The following RNLS variants were observed in gnomAD, a reference collection of about 807,000 sequenced individuals.
RNLS encodes renalase, FAD dependent amine oxidase, also known as renalase.
In RNLS, 39 loss-of-function variants were observed where a neutral mutation model predicts 39.8. The ratio of observed to expected loss-of-function variants is 0.98; its 90% CI spans 0.76 to 1.28. RNLS has a LOEUF of 1.28. Among genes scored for constraint, RNLS ranks in the 50% most tolerant of loss-of-function variants. RNLS has a pLI of 0.00. For synonymous variants in RNLS, 147 were observed against 150.7 expected (o/e 0.98, Z 0.18); for missense variants, 410 against 413.3 (o/e 0.99, Z 0.07).
At chr10:88,501,498 T>C (rs551919758) in intron 4 of RNLS, among the ~76,000 whole-genome samples, 1 of 152,290 alleles carries the variant, frequency 6.6e-6, no homozygotes, top group Non-Finnish European at 1.5e-5. Context: ...GAATTCTCAA[T>C]AGTGTGGATT....
intron 5 of RNLS, among the ~76,000 whole-genome samples, chr10:88,359,359 A>G (rs1330155931): frequency 6.6e-6 from 1 of 152,118 alleles, no homozygotes. Flanking sequence ...TTAAATATCA[A>G]TATCAATAAA....
At chr10:88,245,694 T>A in the RNLS span, among the ~76,000 whole-genome samples, 2 of 152,184 alleles carry the variant, frequency 1.3e-5, no homozygotes, top group East Asian at 1.9e-4. Flanking sequence ...TATCCTAAAA[T>A]GTCTCCTTTC....
At chr10:88,381,119 A>AT (rs1320924651) in intron 4 of RNLS, among the ~76,000 whole-genome samples, 5 of 152,184 alleles carry the variant, frequency 3.3e-5, no homozygotes, top group African/African-American at 1.2e-4. Flanking sequence ...ATCTTTGCAG[A>AT]TTTTAAGAAT....
At chr10:88,469,771 G>T (rs1843404114) in intron 4 of RNLS, among the ~76,000 whole-genome samples, 2 of 150,902 alleles carry the variant, frequency 1.3e-5, no homozygotes, top group South Asian at 4.2e-4. Flanking sequence ...AATATATGCT[G>T]CTCCAAGGAA....
chr10:88,299,097 T>C (rs949375227), intron 6 of RNLS, among the ~76,000 whole-genome samples: 1 of 152,208 alleles, frequency 6.6e-6, no homozygotes. Context: ...TTTTAGATAA[T>C]TGTGCTGTTT....
At position 88,275,912 on chromosome 10, in the gene RNLS, A is replaced by G. The variant is rs564125058; in HGVS notation, c.877-880T>C. 2.0e-5 allele frequency among the ~76,000 whole-genome samples: 3 copies of G among 151,936 alleles called. No homozygotes were observed. In the East Asian group the frequency reaches 5.8e-4, roughly 29 times the overall value. ...AGAACAACAACAAAAAAATTAGCCT[A>G]ATGTAGGGGTGTGTGCCTGTAGTCC... is the stretch of plus-strand genomic sequence containing the variant. On this transcript the variant is annotated intron_variant, in intron 6 of 6. Coordinates refer to the RNLS transcript ENST00000371947.
chr10:88,371,497 C>T (rs567874365), intron 4 of RNLS, among the ~76,000 whole-genome samples: 3 of 152,132 alleles, frequency 2.0e-5, no homozygotes, highest in East Asian at 3.9e-4. Flanking sequence ...AAAAGTATTT[C>T]GGGCAATAAT....
intron 4 of RNLS, among the ~76,000 whole-genome samples, chr10:88,529,142 T>A (rs1847275108): frequency 6.6e-6 from 1 of 152,094 alleles, no homozygotes; most frequent in Admixed American, 6.6e-5. Flanking sequence ...AAAATCTCCA[T>A]CCCTCCTCCC....
At chr10:88,302,311 G>T (rs1243505986) in intron 6 of RNLS, among the ~76,000 whole-genome samples, 2 of 152,144 alleles carry the variant, frequency 1.3e-5, no homozygotes, top group Admixed American at 1.3e-4. Context: ...ATTTTATTAT[G>T]GAAAAGAACT....
chr10:88,265,323 C>CTTTTTTTTTTTTTTTTTTT, the RNLS span, among the ~76,000 whole-genome samples: 6 of 59,066 alleles, frequency 1.0e-4, no homozygotes, highest in African/African-American at 2.0e-4. Flanking sequence ...CAGGGTTTTT[C>CTTTTTTTTTTTTTTTTTTT]TTTTTTTTTT....
intron 6 of RNLS, among the ~76,000 whole-genome samples, chr10:88,302,055 T>C (rs1844569475): frequency 6.6e-6 from 1 of 152,224 alleles, no homozygotes; most frequent in Non-Finnish European, 1.5e-5. Flanking sequence ...GTAAATGTTT[T>C]CTACTGTGTT....
intron 5 of RNLS, among the ~76,000 whole-genome samples, chr10:88,335,622 T>C (rs1847431506): frequency 6.6e-6 from 1 of 152,220 alleles, no homozygotes; most frequent in African/African-American, 2.4e-5. Context: ...TCATTAGCTA[T>C]ATTAGTTCAT....
At chr10:88,459,939 C>T (rs1468153116) in intron 4 of RNLS, among the ~76,000 whole-genome samples, 1 of 152,260 alleles carries the variant, frequency 6.6e-6, no homozygotes, top group East Asian at 1.9e-4. Context: ...ACCTCATATC[C>T]CAGACACTTT....
At chr10:88,426,804 G>A (rs557285956) in intron 4 of RNLS, among the ~76,000 whole-genome samples, 10 of 152,082 alleles carry the variant, frequency 6.6e-5, no homozygotes, top group African/African-American at 2.2e-4. Context: ...ACATAACACA[G>A]CTTTCTCATA....
intron 4 of RNLS, among the ~76,000 whole-genome samples, chr10:88,380,556 T>A (rs1045336279): frequency 6.0e-5 from 9 of 151,002 alleles, no homozygotes; most frequent in Non-Finnish European, 1.3e-4. Context: ...TTTTTTTTTT[T>A]GTATTTTTTA....
intron 6 of RNLS, among the ~76,000 whole-genome samples, chr10:88,295,543 G>T (rs1008222875): frequency 7.9e-5 from 12 of 152,042 alleles, no homozygotes; most frequent in Admixed American, 6.6e-4. Flanking sequence ...AGACTTACTT[G>T]TATTGTGGAC....
rs117438334 is a variant in RNLS, at chr10:88,574,734, G to A, written c.368-1673C>T. On this transcript the variant is annotated intron_variant, in intron 3 of 6. Transcript: ENST00000331772. The stretch of plus-strand genomic sequence containing the variant: ...TGTGCATCATTCTGTTCAAAGATTA[G>A]AGCAAGGGGCTTGTAAACAGTACTC... Among the ~76,000 whole-genome samples the A allele has an allele frequency of 4.2e-3, 634 of 152,292 alleles. 18 individuals are homozygous for A. In the South Asian group the frequency reaches 0.069, roughly 16 times the overall value.
intron 4 of RNLS, among the ~76,000 whole-genome samples, chr10:88,497,810 G>A (rs1453180948): frequency 6.6e-6 from 1 of 151,968 alleles, no homozygotes; most frequent in Non-Finnish European, 1.5e-5. Context: ...GGTGTGAGGA[G>A]GAAGAGACAC....
intron 5 of RNLS, among the ~76,000 whole-genome samples, chr10:88,333,115 T>C (rs960628027): frequency 1.3e-5 from 2 of 152,198 alleles, no homozygotes; most frequent in African/African-American, 4.8e-5. Flanking sequence ...GACATATTAA[T>C]AGTTATTAGG....
Sources: gnomAD v4.1 joint callset for allele counts (sites outside exome capture counted in the v4.1 genomes callset) on GRCh38, gnomAD v4.1.1 for gene constraint, MANE v1.5 for transcripts, NCBI Gene and HGNC (gene_info 2026-07-23, HGNC 2026-07-21) for gene names.